Variants in GLIS3 observed in about 807,000 individuals in gnomAD.
The protein encoded by GLIS3 is GLIS family zinc finger 3, also known as zinc finger protein GLIS3.
Under a neutral mutation model 78.6 loss-of-function variants are expected in GLIS3, and 53 were observed. The ratio of observed to expected loss-of-function variants is 0.67; its 90% CI spans 0.54 to 0.85. GLIS3 has a LOEUF of 0.85. Ranked by LOEUF, GLIS3 falls within the 40% of genes least tolerant of loss-of-function variation. The pLI, the probability that GLIS3 is intolerant of heterozygous loss-of-function variation, is 0.00. For missense variants in GLIS3, 1,703 were observed against 1,231.1 expected, an observed-to-expected ratio of 1.38 and a Z score of -5.74; for synonymous variants, 684 against 509.9, an observed-to-expected ratio of 1.34 and a Z score of -4.60.
chr9:3,919,883 A>C (rs1824758574), intron 6 of GLIS3, among the ~76,000 whole-genome samples: 1 of 151,984 alleles, frequency 6.6e-6, no homozygotes, highest in East Asian at 1.9e-4. Flanking sequence ...ACCCATGAAA[A>C]TACCCAGCAA....
At position 4,258,476 on chromosome 9, in the gene GLIS3, C is replaced by A. The variant is rs577193045; in HGVS notation, c.388+27562G>T. On this transcript the variant is annotated intron_variant, in intron 2 of 10. Coordinates refer to ENST00000381971, the MANE Select transcript of GLIS3 (RefSeq NM_001042413.2). ...CTGCTAGGAAGTGTTGGGAATTTGT[C>A]TTTGGGGCTTTGTCTTCCTATTATC... 2.0e-5 allele frequency among the ~76,000 whole-genome samples: 3 copies of A among 152,268 alleles called. No homozygotes were observed. The South Asian group carries it at 6.2e-4, about 32-fold the overall frequency.
intron 4 of GLIS3, among the ~76,000 whole-genome samples, chr9:3,963,678 C>T (rs1817730484): frequency 6.6e-6 from 1 of 152,100 alleles, no homozygotes; most frequent in Non-Finnish European, 1.5e-5. Context: ...TTAACTTCTG[C>T]TTTGTTCTTC....
intron 2 of GLIS3, among the ~76,000 whole-genome samples, chr9:4,166,250 G>T (rs1039534405): frequency 6.6e-5 from 10 of 152,150 alleles, no homozygotes; most frequent in African/African-American, 2.4e-4. Context: ...AATAGGAATT[G>T]AAGAGATCTA....
chr9:4,020,719 C>T (rs1309722237), intron 4 of GLIS3, among the ~76,000 whole-genome samples: 1 of 152,206 alleles, frequency 6.6e-6, no homozygotes, highest in Non-Finnish European at 1.5e-5. Context: ...ATTATTTACA[C>T]GGTGTCAGAT....
the GLIS3 span, among the ~76,000 whole-genome samples, chr9:4,354,922 C>A: frequency 6.6e-6 from 1 of 152,044 alleles, no homozygotes; most frequent in African/African-American, 2.4e-5. Context: ...CGAGACCATC[C>A]TGGCTAACAC....
chr9:4,093,613 G>C (rs1483148004), intron 4 of GLIS3, among the ~76,000 whole-genome samples: 1 of 152,164 alleles, frequency 6.6e-6, no homozygotes, highest in Non-Finnish European at 1.5e-5. Flanking sequence ...CTAGTGGTAT[G>C]ATAAGGGGCT....
chr9:4,125,575 A>G (rs900534992), intron 3 of GLIS3, among the ~76,000 whole-genome samples, 159 bp downstream of exon 3: 4 of 152,130 alleles, frequency 2.6e-5, no homozygotes, highest in Non-Finnish European at 5.9e-5. Context: ...ACTTAGTTTT[A>G]GACATATTCC....
chr9:4,043,345 G>T (rs1824984268), intron 4 of GLIS3, among the ~76,000 whole-genome samples: 1 of 152,108 alleles, frequency 6.6e-6, no homozygotes, highest in Non-Finnish European at 1.5e-5. Flanking sequence ...AGATCAGGGT[G>T]AGGTACACTG....
intron 4 of GLIS3, among the ~76,000 whole-genome samples, chr9:3,967,505 A>C (rs1818044299): frequency 6.6e-6 from 1 of 152,218 alleles, no homozygotes; most frequent in African/African-American, 2.4e-5. Flanking sequence ...TCCACCACAA[A>C]AAAAAGAAAA....
intron 4 of GLIS3, among the ~76,000 whole-genome samples, chr9:4,044,929 A>G (rs1825124855): frequency 1.3e-5 from 2 of 152,252 alleles, no homozygotes; most frequent in East Asian, 1.9e-4. Context: ...AAAACTTTTG[A>G]TTAAGCCAAA....
At chr9:4,455,850 C>T in the GLIS3 span, among the ~76,000 whole-genome samples, 2 of 152,138 alleles carry the variant, frequency 1.3e-5, no homozygotes, top group Non-Finnish European at 2.9e-5. Context: ...TGGTGGCTCA[C>T]ACCTGTAATC....
At chr9:4,310,131 T>C (rs1231745045) in intron 3 of GLIS3, among the ~76,000 whole-genome samples, 2 of 152,188 alleles carry the variant, frequency 1.3e-5, no homozygotes, top group East Asian at 3.8e-4. Flanking sequence ...TCTCTTCATT[T>C]CACATTACAC....
intron 2 of GLIS3, among the ~76,000 whole-genome samples, chr9:4,262,668 A>C (rs1296422214): frequency 1.3e-5 from 2 of 152,054 alleles, no homozygotes; most frequent in Non-Finnish European, 2.9e-5. Context: ...TATAGCCAAA[A>C]TTTTCAATGA....
At chr9:4,333,419 T>A (rs952161426) in intron 2 of GLIS3, among the ~76,000 whole-genome samples, 1 of 152,114 alleles carries the variant, frequency 6.6e-6, no homozygotes, top group Non-Finnish European at 1.5e-5. Context: ...AAGTCTTTTT[T>A]AAAAATTGAC....
intron 6 of GLIS3, among the ~76,000 whole-genome samples, chr9:3,920,021 T>G (rs1270834960): frequency 2.1e-5 from 2 of 94,350 alleles, no homozygotes; most frequent in Non-Finnish European, 4.6e-5. Flanking sequence ...TTTTTTTTTT[T>G]GAGACAGAGT....
chr9:4,320,367 C>T (rs1817506481), intron 2 of GLIS3, among the ~76,000 whole-genome samples: 1 of 152,144 alleles, frequency 6.6e-6, no homozygotes, highest in Non-Finnish European at 1.5e-5. Context: ...GGAGGTGGGA[C>T]TGAAAAGGCA....
the GLIS3 span, among the ~76,000 whole-genome samples, chr9:4,480,577 T>A: frequency 1.3e-5 from 2 of 152,102 alleles, no homozygotes; most frequent in Non-Finnish European, 1.5e-5. Context: ...CTGTACCTAA[T>A]GCTATATATC....
chr9:4,084,255 T>A (rs1451187140), intron 4 of GLIS3, among the ~76,000 whole-genome samples: 1 of 74,314 alleles, frequency 1.3e-5, no homozygotes, highest in African/African-American at 5.0e-5. Flanking sequence ...TTCCTCTCTC[T>A]AACACACACA....
At chr9:4,130,359 C>A (rs1467505627) in intron 2 of GLIS3, among the ~76,000 whole-genome samples, 1 of 152,206 alleles carries the variant, frequency 6.6e-6, no homozygotes, top group Non-Finnish European at 1.5e-5. Context: ...TGGGGGAAGG[C>A]CCCAAAAGCA....
Sources: allele counts gnomAD v4.1 joint callset (sites outside exome capture counted in the v4.1 genomes callset), GRCh38; gene constraint gnomAD v4.1.1; transcripts MANE v1.5; gene names NCBI Gene and HGNC (gene_info 2026-07-23, HGNC 2026-07-21).